GLIS3: variants seen among roughly 807,000 people sequenced by gnomAD.
The protein encoded by GLIS3 is zinc finger protein GLIS3.
Under a neutral mutation model 78.6 loss-of-function variants are expected in GLIS3, and 53 were observed. The ratio of observed to expected loss-of-function variants is 0.67; its 90% confidence interval spans 0.54 to 0.85. The LOEUF (loss-of-function observed/expected upper bound fraction) is 0.85. GLIS3 is among the 40% of genes least tolerant of loss of function. GLIS3 has a pLI of 0.00. For missense variants in GLIS3, 1,703 were observed against 1,231.1 expected, an observed-to-expected ratio of 1.38 and a Z score of -5.74; for synonymous variants, 684 against 509.9, an observed-to-expected ratio of 1.34 and a Z score of -4.60.
chr9:4,450,801 G>C, the GLIS3 span, among the ~76,000 whole-genome samples: 2 of 152,314 alleles, frequency 1.3e-5, no homozygotes, highest in East Asian at 1.9e-4. Flanking sequence ...CAAATGCTGA[G>C]AGATTTTGTC....
intron 2 of GLIS3, among the ~76,000 whole-genome samples, chr9:4,244,708 G>T (rs1823635924): frequency 6.6e-6 from 1 of 152,024 alleles, no homozygotes; most frequent in Admixed American, 6.6e-5. Context: ...CTGAGTAGCT[G>T]GGATTAGAGG....
intron 2 of GLIS3, among the ~76,000 whole-genome samples, chr9:4,344,670 G>C (rs1817876861): frequency 6.6e-6 from 1 of 152,090 alleles, no homozygotes; most frequent in African/African-American, 2.4e-5. Context: ...ATATCTAACT[G>C]TCTAGTTCAC....
intron 2 of GLIS3, among the ~76,000 whole-genome samples, chr9:4,148,988 C>G (rs1834451328): frequency 6.6e-6 from 1 of 152,050 alleles, no homozygotes; most frequent in African/African-American, 2.4e-5. Flanking sequence ...CCATGAAGCC[C>G]TCCGTGGAAA....
rs538140439 is a variant in GLIS3 at position 4,323,070 on chromosome 9, G to T, written n.265-12542C>A. Among the ~76,000 whole-genome samples, 3 of 152,244 alleles carry T rather than the reference G, an allele frequency of 2.0e-5. No individual in the cohort carries two copies. The South Asian group carries it at 6.2e-4, about 32-fold the overall frequency. ...AGGTCTAACATTTAAGTCTTTAACGGATCTTGAATTAATTTTTGTATAAGG... is the reference window on the plus strand; with the variant it reads ...AGGTCTAACATTTAAGTCTTTAACGTATCTTGAATTAATTTTTGTATAAGG... On this transcript the variant is annotated intron_variant and non_coding_transcript_variant, in intron 2 of 4. Transcript: ENST00000471664.
chr9:3,944,709 T>C (rs1816173497), intron 4 of GLIS3, among the ~76,000 whole-genome samples: 2 of 152,256 alleles, frequency 1.3e-5, no homozygotes, highest in Admixed American at 6.5e-5. Context: ...ATATGTTTTA[T>C]GGCTATGTAA....
At chr9:3,842,486 A>G (rs1364134152) in intron 9 of GLIS3, among the ~76,000 whole-genome samples, 1 of 152,192 alleles carries the variant, frequency 6.6e-6, no homozygotes, top group Non-Finnish European at 1.5e-5. Flanking sequence ...AGACCTCCCC[A>G]AGAGATAAAG....
At chr9:4,410,795 T>G in the GLIS3 span, among the ~76,000 whole-genome samples, 1 of 152,244 alleles carries the variant, frequency 6.6e-6, no homozygotes, top group Non-Finnish European at 1.5e-5. Context: ...AAAGTTGTCC[T>G]TCTGAACAAA....
chr9:4,224,045 T>C (rs1821553378), intron 2 of GLIS3, among the ~76,000 whole-genome samples: 1 of 150,908 alleles, frequency 6.6e-6, no homozygotes, highest in Non-Finnish European at 1.5e-5. Context: ...AACTCACAAT[T>C]AGAAACATGT....
intron 4 of GLIS3, among the ~76,000 whole-genome samples, chr9:4,114,609 T>C (rs1398075447): frequency 4.6e-5 from 7 of 152,180 alleles, no homozygotes; most frequent in African/African-American, 1.7e-4. Flanking sequence ...GAAAGTACTA[T>C]AGTTAATAGA....
At chr9:4,459,721 T>G in the GLIS3 span, among the ~76,000 whole-genome samples, 1 of 151,770 alleles carries the variant, frequency 6.6e-6, no homozygotes, top group African/African-American at 2.4e-5. Context: ...GCCCAGGAGG[T>G]CAAGTGAGCC....
chr9:4,201,133 A>G (rs1329678934), intron 2 of GLIS3, among the ~76,000 whole-genome samples: 3 of 152,206 alleles, frequency 2.0e-5, no homozygotes, highest in African/African-American at 4.8e-5. Flanking sequence ...AAAATCAAAC[A>G]TGCCTTCATG....
intron 1 of GLIS3, 87 bp downstream of exon 1, chr9:4,299,334 T>C (rs2130472674): frequency 6.6e-6 from 1 of 152,356 alleles, no homozygotes; most frequent in East Asian, 1.9e-4. Flanking sequence ...AGTTTGCGTC[T>C]CTGAGCTTTA....
At chr9:3,922,161 TTGTC>T (rs2130734728) in intron 6 of GLIS3, among the ~76,000 whole-genome samples, 1 of 152,314 alleles carries the variant, frequency 6.6e-6, no homozygotes, top group African/African-American at 2.4e-5. Context: ...AATCATCTAA[TTGTC>T]TGAAAATAGA....
chr9:4,386,680 C>A, the GLIS3 span: 1 of 152,188 alleles, frequency 6.6e-6, no homozygotes, highest in African/African-American at 2.4e-5. Flanking sequence ...GAGGATTCCA[C>A]TGATTACTTG....
chr9:4,451,719 G>T, the GLIS3 span, among the ~76,000 whole-genome samples: 19 of 152,028 alleles, frequency 1.2e-4, no homozygotes, highest in Non-Finnish European at 2.4e-4. Flanking sequence ...CAACTACATG[G>T]AACTGAGCAA....
chr9:4,308,018 C>A (rs111340838), intron 4 of GLIS3, among the ~76,000 whole-genome samples: 17 of 152,154 alleles, frequency 1.1e-4, no homozygotes, highest in Non-Finnish European at 2.5e-4. Context: ...CCCTTCTCCC[C>A]CAGAACCAAA....
chr9:4,462,258 A>G, the GLIS3 span, among the ~76,000 whole-genome samples: 1 of 152,208 alleles, frequency 6.6e-6, no homozygotes, highest in South Asian at 2.1e-4. Flanking sequence ...CCATTCTGCA[A>G]TAAGACAAGC....
chr9:4,329,877 T>G (rs1281120282), intron 2 of GLIS3, among the ~76,000 whole-genome samples: 2 of 152,162 alleles, frequency 1.3e-5, no homozygotes, highest in African/African-American at 4.8e-5. Context: ...TTCCTGCCCT[T>G]GGAAAGCATC....
chr9:4,448,944 G>A, the GLIS3 span, among the ~76,000 whole-genome samples: 4 of 152,316 alleles, frequency 2.6e-5, no homozygotes, highest in Admixed American at 1.3e-4. Flanking sequence ...ACTGAGGTAC[G>A]TGGTTCATCT....
Sources: gnomAD v4.1 joint callset for allele counts (sites outside exome capture counted in the v4.1 genomes callset) on GRCh38, gnomAD v4.1.1 for gene constraint, MANE v1.5 for transcripts, NCBI Gene and HGNC (gene_info 2026-07-23, HGNC 2026-07-21) for gene names.